The following POU2F1 variants were observed in gnomAD, a reference collection of about 807,000 sequenced individuals.
POU2F1 encodes POU domain, class 2, transcription factor 1.
Under a neutral mutation model 84.9 loss-of-function variants are expected in POU2F1, and 16 were observed. The ratio of observed to expected loss-of-function variants is 0.19; its 90% confidence interval spans 0.13 to 0.29. POU2F1 has a LOEUF of 0.29. Ranked by LOEUF, POU2F1 falls within the 10% of genes least tolerant of loss-of-function variation. The probability of loss-of-function intolerance (pLI) is 1.00; values close to 1 mark genes in which losing one functional copy is unlikely to be tolerated. For synonymous variants in POU2F1, 368 were observed against 368.3 expected, an observed-to-expected ratio of 1.00 and a Z score of 0.01; for missense variants, 738 against 942.6, an observed-to-expected ratio of 0.78 and a Z score of 2.84.
chr1:167,225,220 T>C (rs890734738), intron 1 of POU2F1, among the ~76,000 whole-genome samples: 5 of 152,218 alleles, frequency 3.3e-5, no homozygotes, highest in African/African-American at 1.2e-4. Flanking sequence ...ACCAACTGTT[T>C]TTGATTTCTA....
intron 1 of POU2F1, among the ~76,000 whole-genome samples, chr1:167,299,455 G>A (rs563899201): frequency 3.3e-5 from 5 of 152,304 alleles, no homozygotes; most frequent in African/African-American, 9.6e-5. Flanking sequence ...TTGCTGCCCT[G>A]TGTGGGAAGA....
At position 167,259,802 on chromosome 1, in the gene POU2F1, T is replaced by C. The variant is rs1430886064; in HGVS notation, c.61+38844T>C. ...CAGCCTCATTGCACATGAAATGGCA[T>C]CTCATAAAGGGTATAATTTGTATTT... is the stretch of plus-strand genomic sequence containing the variant. On this transcript the variant is annotated intron_variant, in intron 1 of 15. Coordinates refer to ENST00000367866, the MANE Select transcript of POU2F1 (RefSeq NM_002697.4). Among the ~76,000 whole-genome samples the C allele has an allele frequency of 3.3e-5, 5 of 152,200 alleles. No homozygotes were observed. The East Asian group carries it at 9.6e-4, about 29-fold the overall frequency.
At chr1:167,383,749 C>T (rs769945831) in intron 7 of POU2F1, 108 bp from the exon 8 acceptor site, 3 of 893,068 alleles carry the variant, frequency 3.4e-6, no homozygotes, top group Non-Finnish European at 5.3e-6. Flanking sequence ...AGTAAGACTA[C>T]CAGAGATCAA....
At chr1:167,267,572 T>C (rs1652056242) in intron 1 of POU2F1, among the ~76,000 whole-genome samples, 1 of 151,960 alleles carries the variant, frequency 6.6e-6, no homozygotes, top group African/African-American at 2.4e-5. Context: ...TCTGAAGTTA[T>C]TTACTGCTTT....
At chr1:167,300,574 C>T (rs995887178) in intron 1 of POU2F1, among the ~76,000 whole-genome samples, 5 of 152,160 alleles carry the variant, frequency 3.3e-5, no homozygotes, top group Non-Finnish European at 7.3e-5. Flanking sequence ...AAGCGATTCT[C>T]CTGCCTCAGC....
At chr1:167,408,966 A>G (rs1400119190) in intron 13 of POU2F1, among the ~76,000 whole-genome samples, 1 of 152,216 alleles carries the variant, frequency 6.6e-6, no homozygotes, top group Non-Finnish European at 1.5e-5. Context: ...CCTTTATTGG[A>G]TATGTGATCT....
At chr1:167,359,185 T>G (rs1659181875) in intron 2 of POU2F1, among the ~76,000 whole-genome samples, 1 of 73,302 alleles carries the variant, frequency 1.4e-5, no homozygotes, top group Admixed American at 1.6e-4. Flanking sequence ...ACACTAGACT[T>G]TTTTTAAAAA....
At chr1:167,350,764 TG>T (rs1055071843) in intron 2 of POU2F1, among the ~76,000 whole-genome samples, 3 of 151,876 alleles carry the variant, frequency 2.0e-5, no homozygotes, top group African/African-American at 7.3e-5. Context: ...TTCAGGAGGC[TG>T]AGGCGGGCAG....
At chr1:167,333,691 A>G (rs1657228073) in intron 2 of POU2F1, among the ~76,000 whole-genome samples, 1 of 152,190 alleles carries the variant, frequency 6.6e-6, no homozygotes, top group South Asian at 2.1e-4. Context: ...CACACTTCAT[A>G]GTACTCTTAC....
chr1:167,270,955 C>T (rs1390879992), intron 1 of POU2F1, among the ~76,000 whole-genome samples: 1 of 152,222 alleles, frequency 6.6e-6, no homozygotes, highest in African/African-American at 2.4e-5. Flanking sequence ...CAGTTCCCCA[C>T]ATACAGGGTC....
At chr1:167,374,604 T>C (rs949199526) in intron 6 of POU2F1, among the ~76,000 whole-genome samples, 1 of 152,232 alleles carries the variant, frequency 6.6e-6, no homozygotes, top group African/African-American at 2.4e-5. Context: ...TTTAATTAGC[T>C]AATTACAGCA....
rs181173803 is a variant in POU2F1, at chr1:167,239,212, T to C, written c.61+18254T>C. On this transcript the variant is annotated intron_variant, in intron 1 of 15. Coordinates refer to ENST00000367866, the MANE Select transcript of POU2F1 (RefSeq NM_002697.4). ...CATACGTAGTGTTCTTTTTGTGACATACCATTTGTCAACTGACAGAAAAAG... is the reference window on the plus strand; with the variant it reads ...CATACGTAGTGTTCTTTTTGTGACACACCATTTGTCAACTGACAGAAAAAG... 1.5e-3 allele frequency among the ~76,000 whole-genome samples: 231 copies of C among 152,330 alleles called. 3 individuals carry two copies. The highest frequency in any genetic ancestry group is 5.2e-3 in the South Asian group (25 of 4,830).
intron 1 of POU2F1, among the ~76,000 whole-genome samples, chr1:167,279,020 T>C (rs545668573): frequency 3.5e-4 from 54 of 152,330 alleles, no homozygotes; most frequent in African/African-American, 1.1e-3. Context: ...CTTAAAGATA[T>C]TCAAATGCTA....
chr1:167,286,087 A>G (rs1431382312), intron 1 of POU2F1, among the ~76,000 whole-genome samples: 3 of 152,184 alleles, frequency 2.0e-5, no homozygotes, highest in Admixed American at 2.0e-4. Context: ...TATTGCAACA[A>G]TTGGATTTCC....
intron 1 of POU2F1, among the ~76,000 whole-genome samples, chr1:167,279,684 C>CTCCA (rs1367702569): frequency 6.6e-6 from 1 of 152,076 alleles, no homozygotes; most frequent in Non-Finnish European, 1.5e-5. Flanking sequence ...CACCACTGCA[C>CTCCA]TCCAGCCTGG....
chr1:167,222,950 A>G (rs1648348919), intron 1 of POU2F1, among the ~76,000 whole-genome samples: 1 of 152,120 alleles, frequency 6.6e-6, no homozygotes, highest in African/African-American at 2.4e-5. Flanking sequence ...GTATTTGTAA[A>G]ACTGACACTT....
At chr1:167,324,524 T>G (rs150124547) in intron 1 of POU2F1, among the ~76,000 whole-genome samples, 257 of 152,350 alleles carry the variant, frequency 1.7e-3, no homozygotes, top group African/African-American at 6.0e-3. Flanking sequence ...TATGTACTTG[T>G]GTTTATGATA....
At chr1:167,342,440 G>C (rs967521157) in intron 2 of POU2F1, among the ~76,000 whole-genome samples, 1 of 152,108 alleles carries the variant, frequency 6.6e-6, no homozygotes, top group African/African-American at 2.4e-5. Flanking sequence ...TAGTGCTATG[G>C]CTGGTATTAG....
intron 1 of POU2F1, among the ~76,000 whole-genome samples, chr1:167,299,426 A>G (rs1400388691): frequency 6.6e-6 from 1 of 152,156 alleles, no homozygotes; most frequent in Non-Finnish European, 1.5e-5. Context: ...ATTCTTCTAA[A>G]AGGAATAAAT....
Sources: allele counts gnomAD v4.1 joint callset (sites outside exome capture counted in the v4.1 genomes callset), GRCh38; gene constraint gnomAD v4.1.1; transcripts MANE v1.5; gene names NCBI Gene and HGNC (gene_info 2026-07-23, HGNC 2026-07-21).